Variants in DENND1A observed in about 807,000 individuals in gnomAD.
DENND1A encodes DENN domain containing 1A.
Under a neutral mutation model 113.7 loss-of-function variants are expected in DENND1A, and 51 were observed. The observed-to-expected ratio is 0.45, with a 90% CI of 0.36 to 0.57. DENND1A has a LOEUF of 0.57. DENND1A is among the 20% of genes least tolerant of loss of function. DENND1A has a pLI of 0.00. For missense variants in DENND1A, 1,258 were observed against 1,395.9 expected, an observed-to-expected ratio of 0.90 and a Z score of 1.57; for synonymous variants, 565 against 570.8, an observed-to-expected ratio of 0.99 and a Z score of 0.14.
At chr9:123,525,402 C>G (rs541078797) in intron 13 of DENND1A, among the ~76,000 whole-genome samples, 20 of 152,288 alleles carry the variant, frequency 1.3e-4, no homozygotes, top group African/African-American at 4.8e-4. Flanking sequence ...TCGAGGGCAT[C>G]TCTGAAAAAC....
chr9:123,710,333 T>C lies in DENND1A; in HGVS notation c.303-33544A>G, dbSNP rs550362529. On this transcript the variant is annotated intron_variant, in intron 5 of 23. Coordinates refer to ENST00000394215, the MANE Select transcript of DENND1A (RefSeq NM_001352964.2). ...AACAAAATTTTGCAAAAACACACCA[T>C]GTAATAAGAGTTTTGAAGGCCTTTT... 1.8e-4 allele frequency among the ~76,000 whole-genome samples: 28 copies of C among 152,316 alleles called. 1 individual carries two copies. In the South Asian group the frequency reaches 5.2e-3, roughly 28 times the overall value.
intron 5 of DENND1A, among the ~76,000 whole-genome samples, chr9:123,734,746 C>G (rs1225050179): frequency 6.6e-6 from 1 of 152,140 alleles, no homozygotes; most frequent in African/African-American, 2.4e-5. Flanking sequence ...GTTCAGGGCA[C>G]TTGGTTCTAG....
At chr9:123,477,700 C>T (rs1479110843) in intron 13 of DENND1A, among the ~76,000 whole-genome samples, 2 of 151,576 alleles carry the variant, frequency 1.3e-5, no homozygotes, top group Non-Finnish European at 2.9e-5. Context: ...ACACGTTTAC[C>T]TATGTAACAA....
intron 8 of DENND1A, among the ~76,000 whole-genome samples, chr9:123,654,146 G>T (rs1426470616): frequency 1.3e-5 from 2 of 152,186 alleles, no homozygotes; most frequent in African/African-American, 2.4e-5. Flanking sequence ...AGCTAATGAT[G>T]TAAGGGTGGG....
intron 11 of DENND1A, among the ~76,000 whole-genome samples, chr9:123,586,975 G>A (rs776851422): frequency 6.6e-6 from 1 of 151,910 alleles, no homozygotes; most frequent in Non-Finnish European, 1.5e-5. Context: ...CCAGCAGCCC[G>A]CAATGCAACG....
chr9:123,640,366 A>C (rs1034160059), intron 9 of DENND1A, among the ~76,000 whole-genome samples: 2 of 152,198 alleles, frequency 1.3e-5, no homozygotes, highest in African/African-American at 4.8e-5. Flanking sequence ...GCTACAGGCC[A>C]GTCAGGGGGT....
rs148327628 is a variant in DENND1A at position 123,625,791 on chromosome 9, C to T, written c.719+4585G>A. Among the ~76,000 whole-genome samples, 6 of 152,286 alleles carry T rather than the reference C, an allele frequency of 3.9e-5. No individual in the cohort carries two copies. In the East Asian group the frequency reaches 1.2e-3, roughly 29 times the overall value. Reference sequence around the variant, plus strand: ...TTTAAAAAATAAAATTATACTACCACTTGGCAGAGGAACTATATTGATTTT... The same window carrying T: ...TTTAAAAAATAAAATTATACTACCATTTGGCAGAGGAACTATATTGATTTT... On this transcript the variant is annotated intron_variant, in intron 10 of 23. Coordinates refer to ENST00000394215, the MANE Select transcript of DENND1A (RefSeq NM_001352964.2).
intron 13 of DENND1A, among the ~76,000 whole-genome samples, chr9:123,483,369 C>T (rs1335908783): frequency 1.3e-5 from 2 of 152,216 alleles, no homozygotes; most frequent in Non-Finnish European, 2.9e-5. Flanking sequence ...GCCGCTGCTG[C>T]TCCAGTCCTC....
At chr9:123,480,731 A>G (rs1007959909) in intron 13 of DENND1A, among the ~76,000 whole-genome samples, 1 of 152,178 alleles carries the variant, frequency 6.6e-6, no homozygotes, top group Non-Finnish European at 1.5e-5. Flanking sequence ...CTCTACAGAT[A>G]GGGAGGGAAC....
At chr9:123,521,133 A>C (rs576836747) in intron 13 of DENND1A, among the ~76,000 whole-genome samples, 4 of 152,156 alleles carry the variant, frequency 2.6e-5, no homozygotes, top group Non-Finnish European at 5.9e-5. Context: ...GGTTCCCCAG[A>C]TGAAATTTCA....
chr9:123,398,793 A>G (rs1588325031), intron 21 of DENND1A, among the ~76,000 whole-genome samples: 1 of 146,452 alleles, frequency 6.8e-6, no homozygotes, highest in African/African-American at 2.5e-5. Context: ...ACCACCACAC[A>G]GCATTTTTTT....
At chr9:123,748,778 T>C (rs2069747550) in intron 5 of DENND1A, among the ~76,000 whole-genome samples, 1 of 152,176 alleles carries the variant, frequency 6.6e-6, no homozygotes, top group African/African-American at 2.4e-5. Flanking sequence ...GAAAAATTGT[T>C]GACACTCAAA....
intron 1 of DENND1A, among the ~76,000 whole-genome samples, chr9:123,881,110 G>T (rs928514633): frequency 1.3e-5 from 2 of 151,838 alleles, no homozygotes; most frequent in Non-Finnish European, 2.9e-5. Flanking sequence ...AAAATTCAAG[G>T]TATTTAAATA....
chr9:123,615,610 T>A (rs2060615284), intron 10 of DENND1A, among the ~76,000 whole-genome samples: 1 of 152,208 alleles, frequency 6.6e-6, no homozygotes, highest in African/African-American at 2.4e-5. Context: ...TCAGCTTCAC[T>A]ATTTCTTCAA....
intron 12 of DENND1A, among the ~76,000 whole-genome samples, chr9:123,565,034 C>T (rs1320470471): frequency 7.4e-6 from 1 of 134,392 alleles, no homozygotes; most frequent in African/African-American, 2.8e-5. Flanking sequence ...CTCTGTTGCC[C>T]AGGCTGGAGT....
At chr9:123,596,096 A>G (rs1417210525) in intron 11 of DENND1A, among the ~76,000 whole-genome samples, 1 of 152,194 alleles carries the variant, frequency 6.6e-6, no homozygotes, top group African/African-American at 2.4e-5. Context: ...AGAGCACTCC[A>G]TAAGATGAGA....
At chr9:123,713,057 G>A (rs961099638) in intron 5 of DENND1A, among the ~76,000 whole-genome samples, 91 of 152,176 alleles carry the variant, frequency 6.0e-4, no homozygotes, top group African/African-American at 2.0e-3. Context: ...AAACTTCACC[G>A]CCTATACGAT....
rs544303324 is a variant in DENND1A at position 123,595,642 on chromosome 9, T to C, written c.766-12372A>G. Among the ~76,000 whole-genome samples, 17 of 152,230 alleles carry C rather than the reference T, an allele frequency of 1.1e-4. No homozygotes were observed. The South Asian group carries it at 2.9e-3, about 26-fold the overall frequency. ...GGTCCTGGCCTTTTCACTTACCAGC[T>C]AGGCAGCTTCAGGCAAGGCACTCAG... On this transcript the variant is annotated intron_variant, in intron 11 of 23. Transcript: ENST00000394215.
chr9:123,430,613 G>T (rs2132066954), intron 19 of DENND1A, among the ~76,000 whole-genome samples: 1 of 152,332 alleles, frequency 6.6e-6, no homozygotes, highest in Middle Eastern at 3.4e-3. Context: ...ACAAGTGGGA[G>T]CTGAATGATG....
Sources: gnomAD v4.1 joint callset for allele counts (sites outside exome capture counted in the v4.1 genomes callset) on GRCh38, gnomAD v4.1.1 for gene constraint, MANE v1.5 for transcripts, NCBI Gene and HGNC (gene_info 2026-07-23, HGNC 2026-07-21) for gene names.